GRM4: variants seen among roughly 807,000 people sequenced by gnomAD.
The protein encoded by GRM4 is glutamate metabotropic receptor 4.
GRM4 carries 28 observed loss-of-function variants against 81.7 expected under a neutral mutation model. The observed-to-expected ratio is 0.34, with a 90% CI of 0.25 to 0.47. GRM4 has a LOEUF of 0.47. GRM4 is among the 20% of genes least tolerant of loss of function. The pLI is 1.00. For synonymous variants in GRM4, 488 were observed against 528.8 expected, an observed-to-expected ratio of 0.92 and a Z score of 1.06; for missense variants, 948 against 1,290.0, an observed-to-expected ratio of 0.73 and a Z score of 4.06.
At chr6:34,033,703 C>G (rs867184805) in intron 9 of GRM4, among the ~76,000 whole-genome samples, 9 of 151,664 alleles carry the variant, frequency 5.9e-5, no homozygotes, top group Non-Finnish European at 1.3e-4. Flanking sequence ...CTCTCTTTCT[C>G]TTTCTTTCTC....
Position 34,035,555 on chromosome 6 carries a change from G to T in GRM4, c.2442+113C>A. 2.7e-6 allele frequency: 1 copy of T among 371,380 alleles called. No homozygotes were observed. The highest frequency in any genetic ancestry group is 4.3e-6 in the Non-Finnish European group (1 of 234,246). 23.0% of individuals were successfully genotyped at this position (371,380 alleles called of 1,614,324 possible). On this transcript the variant is annotated intron_variant, in intron 9 of 10. Transcript: ENST00000538487. The surrounding 1 kb of genome is among the most constrained non-coding windows in gnomAD (Gnocchi z 6.6). Reference sequence around the variant, plus strand: ...TGAGGCAAGAAAGAAGGCAGAATGAGGCATGAAAGAAGGCATTTCTGGAGC... The same window carrying T: ...TGAGGCAAGAAAGAAGGCAGAATGATGCATGAAAGAAGGCATTTCTGGAGC...
chr6:34,073,983 T>C (rs919821515), intron 3 of GRM4, among the ~76,000 whole-genome samples: 1 of 152,314 alleles, frequency 6.6e-6, no homozygotes, highest in South Asian at 2.1e-4. Context: ...CGGCTATTCA[T>C]GGAGCGGCTC....
In GRM4 at chr6:34,021,099, C is replaced by G. The variant is rs537320338; in HGVS notation, c.*1722G>C. 1.6e-4 allele frequency: 24 copies of G among 152,416 alleles called. No homozygotes were observed. The highest frequency in any genetic ancestry group is 5.8e-4 in the African/African-American group (24 of 41,570). 9.4% of individuals were successfully genotyped at this position (152,416 alleles called of 1,614,324 possible). A position where few individuals can be genotyped will look rare whatever the true frequency, so the allele number is the denominator to read the frequency against. On this transcript the variant is annotated 3_prime_UTR_variant, in exon 11 of 11. Coordinates refer to ENST00000538487, the MANE Select transcript of GRM4 (RefSeq NM_000841.4). This position sits in a 1 kb window ranked among gnomAD's most constrained non-coding sequence, Gnocchi z 5.3. ...GCCCAGCCCCTAAGCGCTCCTGTTT[C>G]CCACCTCCCAACCTGCCAGGGAAGC...
rs199889356 is a variant in GRM4, at chr6:34,152,601, A to AC, written c.312+2477dup. Among the ~76,000 whole-genome samples the AC allele has an allele frequency of 6.3e-3, 946 of 151,272 alleles. 10 individuals carry two copies. The highest frequency in any genetic ancestry group is 0.021 in the African/African-American group (855 of 41,112). ...TCCCAGCAACCGACCCATCACCTAG[A>AC]CCCCCCAAAGAGGACAAAGCAGTGC... On this transcript the variant is annotated intron_variant, in intron 1 of 8. Transcript: ENST00000374177. The surrounding 1 kb of genome is among the most constrained non-coding windows in gnomAD (Gnocchi z 4.1).
intron 1 of GRM4, among the ~76,000 whole-genome samples, chr6:34,139,995 G>A (rs188064795): frequency 1.3e-5 from 2 of 152,298 alleles, no homozygotes; most frequent in African/African-American, 2.4e-5. Flanking sequence ...AAGCGGGTGG[G>A]CACAGGACGA....
intron 1 of GRM4, among the ~76,000 whole-genome samples, chr6:34,143,477 G>C (rs1770788912): frequency 6.6e-6 from 1 of 152,210 alleles, no homozygotes; most frequent in Non-Finnish European, 1.5e-5. Flanking sequence ...CGCTATGGGT[G>C]CTCACACCCC....
Position 34,035,678 on chromosome 6 carries a change from G to T in GRM4, c.2432C>A (p.Ser811Ter). ...GCCCCCACCACTCACCTTGTCGGCC[G>T]ACTGCGAGGTGCCAAAGAAGATGGG... ...FIPIFFGTSQ[S>*]ADKLYIQTTT... is the part of the protein sequence containing the mutation. The change falls in exon 9 of 11, where the codon TCG (serine) becomes TAG (stop). Residue 811 changes from serine to a stop codon, truncating the protein, a stop_gained. Transcript: ENST00000538487. LOFTEE classifies it high-confidence loss of function. This position sits in a 1 kb window ranked among gnomAD's most constrained non-coding sequence, Gnocchi z 6.6. 7.7e-7 allele frequency: 1 copy of T among 1,300,334 alleles called. No individual in the cohort carries two copies. The highest frequency in any genetic ancestry group is 1.2e-5 in the South Asian group (1 of 82,118). The allele number at this position is 1,300,334 out of a possible 1,614,324, so 80.5% of individuals were successfully genotyped here. A position where few individuals can be genotyped will look rare whatever the true frequency, so the allele number is the denominator to read the frequency against.
chr6:34,121,427 TC>T lies in GRM4; in HGVS notation c.519+11550del, dbSNP rs979473691. 2.6e-5 allele frequency among the ~76,000 whole-genome samples: 4 copies of T among 151,958 alleles called. No individual in the cohort carries two copies. Among genetic ancestry groups the T allele is most frequent in the Non-Finnish European group, 5.9e-5 (4 of 67,988 alleles). On this transcript the variant is annotated intron_variant, in intron 2 of 10. Transcript: ENST00000538487. This position sits in a 1 kb window ranked among gnomAD's most constrained non-coding sequence, Gnocchi z 4.6. Reference sequence around the variant, plus strand: ...TGACAGAGGTTAATGCTGCCCATCCTCCCCTCGGCCACAACCCCAGGGACAG... The same window carrying T: ...TGACAGAGGTTAATGCTGCCCATCCTCCCTCGGCCACAACCCCAGGGACAG...
intron 3 of GRM4, among the ~76,000 whole-genome samples, chr6:34,082,413 T>C (rs143263640): frequency 6.6e-6 from 1 of 152,144 alleles, no homozygotes; most frequent in African/African-American, 2.4e-5. Flanking sequence ...TGCTTGACCC[T>C]CCATGTGGCA....
chr6:34,038,524 G>A (rs1368435609), intron 8 of GRM4, among the ~76,000 whole-genome samples: 2 of 152,192 alleles, frequency 1.3e-5, no homozygotes, highest in South Asian at 2.1e-4. Flanking sequence ...TACCAGTGAT[G>A]CGACGCCGCC....
At chr6:34,082,860 G>A (rs1767677509) in intron 3 of GRM4, among the ~76,000 whole-genome samples, 1 of 152,216 alleles carries the variant, frequency 6.6e-6, no homozygotes, top group Non-Finnish European at 1.5e-5. Context: ...TGATGGCAGA[G>A]CCAGATTTGA....
Position 34,133,605 on chromosome 6 carries a change from G to A in GRM4, c.-109C>T. Reference sequence around the variant, plus strand: ...GGCAGGGCAGCTTCAGCAGCAGGGGGACTGAGGGCAGCCAACCGCGTAGCC... The same window carrying A: ...GGCAGGGCAGCTTCAGCAGCAGGGGAACTGAGGGCAGCCAACCGCGTAGCC... On this transcript the variant is annotated 5_prime_UTR_variant, in exon 2 of 11. Transcript: ENST00000538487. The surrounding 1 kb of genome is among the most constrained non-coding windows in gnomAD (Gnocchi z 6.5). The A allele has an allele frequency of 6.8e-7, 1 of 1,471,908 alleles. No homozygotes were observed. Among genetic ancestry groups the A allele is most frequent in the South Asian group, 1.4e-5 (1 of 69,570 alleles). 91.2% of individuals were successfully genotyped at this position (1,471,908 alleles called of 1,614,324 possible).
At chr6:34,038,129 G>A (rs377421245) in intron 8 of GRM4, among the ~76,000 whole-genome samples, 81 of 152,330 alleles carry the variant, frequency 5.3e-4, no homozygotes, top group South Asian at 2.5e-3. Context: ...CGGGGCGATG[G>A]TGAGTGTTCC....
chr6:34,146,185 T>C (rs2127520182), upstream of GRM4: 1 of 980,036 alleles, frequency 1.0e-6, no homozygotes, highest in East Asian at 1.1e-4. Context: ...CCATGTGGCA[T>C]GTTCATTTGC....
intron 3 of GRM4, among the ~76,000 whole-genome samples, chr6:34,072,846 CCACA>C (rs777227759): frequency 0.019 from 956 of 50,620 alleles, 7 homozygotes; most frequent in Middle Eastern, 0.057. Flanking sequence ...CAGATACACA[CCACA>C]CACACAATCA....
intron 2 of GRM4, among the ~76,000 whole-genome samples, chr6:34,127,995 G>GGAC (rs1271049092): frequency 6.6e-6 from 1 of 152,176 alleles, no homozygotes; most frequent in Admixed American, 6.5e-5. Context: ...GCCCAACATG[G>GGAC]GACGAGGGGA....
At chr6:34,039,439 T>C (rs1764887475) in intron 8 of GRM4, among the ~76,000 whole-genome samples, 1 of 152,076 alleles carries the variant, frequency 6.6e-6, no homozygotes, top group Admixed American at 6.5e-5. Context: ...GGGGTCACAG[T>C]GGGCCCACCC....
intron 9 of GRM4, among the ~76,000 whole-genome samples, chr6:34,033,907 T>G (rs1764567774): frequency 6.6e-6 from 1 of 150,390 alleles, no homozygotes; most frequent in Non-Finnish European, 1.5e-5. Flanking sequence ...CTGGCTACGT[T>G]TTTGTATTTT....
Position 34,092,165 on chromosome 6 carries a change from C to A in GRM4, c.520-66G>T. 1 of 1,054,142 alleles carries A rather than the reference C, an allele frequency of 9.5e-7. No individual in the cohort carries two copies. The highest frequency in any genetic ancestry group is 1.6e-5 in the African/African-American group (1 of 64,244). The allele number at this position is 1,054,142 out of a possible 1,614,324, so 65.3% of individuals were successfully genotyped here. A position where few individuals can be genotyped will look rare whatever the true frequency, so the allele number is the denominator to read the frequency against. On this transcript the variant is annotated intron_variant, in intron 2 of 10. Coordinates refer to ENST00000538487, the MANE Select transcript of GRM4 (RefSeq NM_000841.4). This position sits in a 1 kb window ranked among gnomAD's most constrained non-coding sequence, Gnocchi z 6.8. ...CCCACCCTGCCTAGCCAGCCCCATT[C>A]CCCTACACACCAACCTCCCTTTGGT...
Sources: allele counts gnomAD v4.1 joint callset (sites outside exome capture counted in the v4.1 genomes callset), GRCh38; gene constraint gnomAD v4.1.1; non-coding constraint Gnocchi (gnomAD v3.1); transcripts MANE v1.5; gene names NCBI Gene and HGNC (gene_info 2026-07-23, HGNC 2026-07-21).